PADI6: variants seen among roughly 807,000 people sequenced by gnomAD.
PADI6 encodes inactive protein-arginine deiminase type-6.
A neutral mutation model predicts 78.2 loss-of-function variants in PADI6; 66 were observed. That is an observed-to-expected ratio of 0.84 (90% CI 0.69 to 1.04). The LOEUF is 1.04. Ranked by LOEUF, PADI6 falls within the 50% of genes least tolerant of loss-of-function variation. The probability of loss-of-function intolerance (pLI) is 0.00; values close to 1 mark genes in which losing one functional copy is unlikely to be tolerated. For synonymous variants in PADI6, 397 were observed against 346.9 expected (o/e 1.14, Z -1.60); for missense variants, 854 against 866.1 (o/e 0.99, Z 0.18).
At chr1:17,399,755 G>T (rs1017346471) in intron 15 of PADI6, among the ~76,000 whole-genome samples, 1 of 150,658 alleles carries the variant, frequency 6.6e-6, no homozygotes, top group Non-Finnish European at 1.5e-5. Context: ...AAAATGCTGG[G>T]GCCAGGGTGC....
chr1:17,393,592 T>G (rs6695531), intron 9 of PADI6, among the ~76,000 whole-genome samples: 54,951 of 152,018 alleles, frequency 0.36, 10,093 homozygotes, highest in South Asian at 0.39. Flanking sequence ...AGCCTCTGCC[T>G]CCTCCTGAGT....
At chr1:17,397,253 A>C in intron 14 of PADI6, 112 bp downstream of exon 14, 1 of 1,136,822 alleles carries the variant, frequency 8.8e-7, no homozygotes, top group Non-Finnish European at 1.3e-6. Context: ...GGCGGGGGGC[A>C]GCTGCCTGCC....
Position 17,372,337 on chromosome 1 carries a change from C to T in PADI6, c.92C>T (p.Thr31Ile), listed in dbSNP as rs777647165. 2 of 1,613,952 alleles carry T rather than the reference C, an allele frequency of 1.2e-6. No homozygotes were observed. Among genetic ancestry groups the T allele is most frequent in the Admixed American group, 3.3e-5 (2 of 60,014 alleles). Residue 31 changes from threonine to isoleucine, a missense_variant, in exon 1 of 16, where the codon ACA becomes ATA. Coordinates refer to ENST00000619609, the MANE Select transcript of PADI6 (RefSeq NM_207421.4). ...GTCCATGCCGTTTGTGTGTTGGGCA[C>T]AGAAATCTGCTTGGATCTCAGCGGG... is the stretch of plus-strand genomic sequence containing the variant. ...SPVHAVCVLG[T>I]EICLDLSGCA...
chr1:17,399,165 A>G (rs2075276651), intron 15 of PADI6, among the ~76,000 whole-genome samples: 1 of 152,174 alleles, frequency 6.6e-6, no homozygotes, highest in South Asian at 2.1e-4. Flanking sequence ...ATGGGGTGCT[A>G]TGCAACCCAG....
intron 2 of PADI6, among the ~76,000 whole-genome samples, chr1:17,374,500 C>T (rs780321609): frequency 3.9e-5 from 6 of 152,138 alleles, no homozygotes; most frequent in Non-Finnish European, 5.9e-5. Flanking sequence ...GTGGCAGGTG[C>T]CTGTAATCTC....
At chr1:17,382,922 C>T (rs191780514) in intron 6 of PADI6, among the ~76,000 whole-genome samples, 1 of 152,312 alleles carries the variant, frequency 6.6e-6, no homozygotes, top group African/African-American at 2.4e-5. Flanking sequence ...TCCCAAGGAG[C>T]TGGTATGACA....
At position 17,398,799 on chromosome 1, in the gene PADI6, T is replaced by C. The variant is rs375100463; in HGVS notation, c.1803T>C (p.Ser601=). Residue 601 remains serine, a synonymous_variant, in exon 15 of 16, where the codon TCT becomes TCC. Transcript: ENST00000619609. ...FCLEKLTNIP[S]DQQPKRSFAR... ...TGGAGAAGCTGACTAACATCCCCTC[T>C]GACCAGCAGCCCAAGAGGTCCTTTG... 2.1e-5 allele frequency: 34 copies of C among 1,612,870 alleles called. No individual in the cohort carries two copies. The highest frequency in any genetic ancestry group is 4.5e-5 in the East Asian group (2 of 44,802).
In PADI6 at chr1:17,388,427, C is replaced by T. The variant is rs113151411; in HGVS notation, c.726C>T (p.His242=). The T allele has an allele frequency of 2.0e-4, 316 of 1,613,792 alleles. 2 individuals carry two copies. In the East Asian group the frequency reaches 5.1e-3, roughly 26 times the overall value. The part of the protein sequence containing the change: ...TFELVLGPDQ[H]AYTLALLGNH... ...AGTTGGTGCTGGGGCCCGACCAGCA[C>T]GCCTATACCTTGGCCCTCCTCGGGA... The change falls in exon 7 of 16, where the codon CAC becomes CAT. Residue 242 remains histidine (H), a synonymous_variant. Coordinates refer to ENST00000619609, the MANE Select transcript of PADI6 (RefSeq NM_207421.4).
At position 17,373,127 on chromosome 1, in the gene PADI6, C is replaced by T. The variant is rs751698901; in HGVS notation, c.188C>T (p.Thr63Met). Reference sequence around the variant, plus strand: ...AGGGTCTTGATCGATGTGGCCAACACGGTGATTTCTGAGAAGGAGGACGCC... The same window carrying T: ...AGGGTCTTGATCGATGTGGCCAACATGGTGATTTCTGAGAAGGAGGACGCC... ...SGRVLIDVAN[T>M]VISEKEDATI... The change falls in exon 2 of 16, where the codon ACG becomes ATG. Residue 63 changes from threonine to methionine, a missense_variant. Coordinates refer to ENST00000619609, the MANE Select transcript of PADI6 (RefSeq NM_207421.4). The T allele has an allele frequency of 2.9e-5, 47 of 1,613,876 alleles. No homozygotes were observed. The highest frequency in any genetic ancestry group is 4.5e-5 in the East Asian group (2 of 44,898).
intron 6 of PADI6, among the ~76,000 whole-genome samples, chr1:17,384,824 T>A (rs1430268545): frequency 6.6e-6 from 1 of 152,118 alleles, no homozygotes; most frequent in Admixed American, 6.5e-5. Flanking sequence ...GTGACCCTGA[T>A]AATAACAGTG....
At position 17,401,593 on chromosome 1, in the gene PADI6, G is replaced by A. The variant is rs2075302110; in HGVS notation, c.*155G>A. 4.3e-6 allele frequency: 3 copies of A among 693,958 alleles called. No individual in the cohort carries two copies. The highest frequency in any genetic ancestry group is 4.7e-6 in the Non-Finnish European group (2 of 421,716). 43.0% of individuals were successfully genotyped at this position (693,958 alleles called of 1,614,324 possible). A position where few individuals can be genotyped will look rare whatever the true frequency, so the allele number is the denominator to read the frequency against. On this transcript the variant is annotated 3_prime_UTR_variant, in exon 16 of 16. Transcript: ENST00000619609. The stretch of plus-strand genomic sequence containing the variant: ...CCCCGACCGACCCTCGGACCCAGTA[G>A]GATGGCAAATGCCGCCAGCTTGAAC...
At chr1:17,385,321 G>A (rs919294333) in intron 6 of PADI6, among the ~76,000 whole-genome samples, 3 of 152,194 alleles carry the variant, frequency 2.0e-5, no homozygotes, top group African/African-American at 7.2e-5. Flanking sequence ...TGACCAGAAT[G>A]GAGGTTTTCC....
intron 7 of PADI6, 84 bp from the exon 8 acceptor site, chr1:17,388,693 G>A (rs1462943122): frequency 3.2e-5 from 48 of 1,480,520 alleles, no homozygotes; most frequent in East Asian, 2.6e-4. Context: ...GCTGGGGGCC[G>A]GACTGAACGG....
rs1230761795 is a variant in PADI6 at position 17,398,802 on chromosome 1, C to G, written c.1806C>G (p.Asp602Glu). ...AGAAGCTGACTAACATCCCCTCTGA[C>G]CAGCAGCCCAAGAGGTCCTTTGCGA... ...CLEKLTNIPS[D>E]QQPKRSFARP... is the part of the protein sequence containing the mutation. Residue 602 changes from aspartate to glutamate, a missense_variant, in exon 15 of 16, where the codon GAC becomes GAG. Coordinates refer to ENST00000619609, the MANE Select transcript of PADI6 (RefSeq NM_207421.4). 3 of 1,613,302 alleles carry G rather than the reference C, an allele frequency of 1.9e-6. No homozygotes were observed. The African/African-American group carries it at 4.0e-5, about 22-fold the overall frequency.
At chr1:17,390,381 C>T (rs2075170087) in intron 8 of PADI6, among the ~76,000 whole-genome samples, 1 of 151,868 alleles carries the variant, frequency 6.6e-6, no homozygotes, top group Admixed American at 6.6e-5. Context: ...GGGCGGATCA[C>T]CTGAGGTCAG....
chr1:17,393,282 C>A lies in PADI6; in HGVS notation c.1075-693C>A, dbSNP rs188956109. On this transcript the variant is annotated intron_variant, in intron 9 of 15. Coordinates refer to ENST00000619609, the MANE Select transcript of PADI6 (RefSeq NM_207421.4). ...TTAAGCTAAGGACAAACAAGAGACA[C>A]TCAAAGCATGAATCGGGAATGAAAG... Among the ~76,000 whole-genome samples, 71 of 152,280 alleles carry A rather than the reference C, an allele frequency of 4.7e-4. 1 individual carries two copies. The highest frequency in any genetic ancestry group is 1.3e-3 in the African/African-American group (54 of 41,552).
At chr1:17,393,683 C>G (rs1244895906) in intron 9 of PADI6, among the ~76,000 whole-genome samples, 1 of 152,128 alleles carries the variant, frequency 6.6e-6, no homozygotes, top group Non-Finnish European at 1.5e-5. Context: ...CCATGTTTCC[C>G]AGGCTGGTCT....
chr1:17,397,139 G>GAGGT lies in PADI6; in HGVS notation c.1689+2_1689+5dup. ...CCTGAAGAAGCAGAATGAATACGTG[G>GAGGT]AGGTAGGACCAGTGTGAAGGGGGCC... On this transcript the variant is annotated frameshift_variant and splice_region_variant, in exon 14 of 16. Coordinates refer to ENST00000619609, the MANE Select transcript of PADI6 (RefSeq NM_207421.4). LOFTEE classifies it high-confidence loss of function. The GAGGT allele has an allele frequency of 1.2e-6, 2 of 1,613,804 alleles. No homozygotes were observed. The highest frequency in any genetic ancestry group is 1.7e-6 in the Non-Finnish European group (2 of 1,179,806).
At chr1:17,389,996 G>A (rs1293605973) in intron 8 of PADI6, among the ~76,000 whole-genome samples, 10 of 152,094 alleles carry the variant, frequency 6.6e-5, no homozygotes, top group Non-Finnish European at 1.5e-4. Context: ...AGCAGGGATG[G>A]GAAACACTAA....
Sources: gnomAD v4.1 joint callset for allele counts (sites outside exome capture counted in the v4.1 genomes callset) on GRCh38, gnomAD v4.1.1 for gene constraint, MANE v1.5 for transcripts, NCBI Gene and HGNC (gene_info 2026-07-23, HGNC 2026-07-21) for gene names.